The following ZNF831 variants were observed in gnomAD, a reference collection of about 807,000 sequenced individuals.
The protein encoded by ZNF831 is chromosome 20 open reading frame 174.
In ZNF831, 59 loss-of-function variants were observed where a neutral mutation model predicts 95.8. The observed-to-expected ratio is 0.62, with a 90% CI of 0.50 to 0.77. The LOEUF (loss-of-function observed/expected upper bound fraction) is 0.77. Among genes scored for constraint, ZNF831 ranks in the 30% least tolerant of loss-of-function variants. The probability of loss-of-function intolerance (pLI) is 0.00; values close to 1 mark genes in which losing one functional copy is unlikely to be tolerated. For synonymous variants in ZNF831, 961 were observed against 925.5 expected (o/e 1.04, Z -0.70); for missense variants, 2,205 against 2,164.0 (o/e 1.02, Z -0.38).
At chr20:59,249,430 G>A (rs892871304) in intron 4 of ZNF831, among the ~76,000 whole-genome samples, 14 of 152,088 alleles carry the variant, frequency 9.2e-5, no homozygotes, top group Non-Finnish European at 1.8e-4. Flanking sequence ...CACAATAGGC[G>A]TCTGCTTCCT....
intron 2 of ZNF831, among the ~76,000 whole-genome samples, chr20:59,148,669 A>G (rs1229443694): frequency 4.3e-5 from 4 of 92,810 alleles, no homozygotes; most frequent in African/African-American, 1.4e-4. Flanking sequence ...GACAGAGCGA[A>G]ACTCCGTCTC....
At chr20:59,148,060 A>G (rs1979974817) in intron 2 of ZNF831, among the ~76,000 whole-genome samples, 1 of 152,250 alleles carries the variant, frequency 6.6e-6, no homozygotes, top group South Asian at 2.1e-4. Context: ...GACGTCCCTT[A>G]TACTCTCTGA....
At chr20:59,222,414 C>T (rs1986143034) in intron 4 of ZNF831, among the ~76,000 whole-genome samples, 1 of 151,976 alleles carries the variant, frequency 6.6e-6, no homozygotes, top group African/African-American at 2.4e-5. Context: ...ACACAAAGCC[C>T]GGGCCCCCTC....
intron 4 of ZNF831, among the ~76,000 whole-genome samples, chr20:59,236,667 A>G (rs1272666770): frequency 6.6e-6 from 1 of 150,850 alleles, no homozygotes; most frequent in Admixed American, 6.6e-5. Context: ...GATTGCAGGC[A>G]TGAACCACCC....
At position 59,255,497 on chromosome 20, in the gene ZNF831, G is replaced by A. The variant is rs1192434403; in HGVS notation, c.*754G>A. 1 of 152,010 alleles carries A rather than the reference G, an allele frequency of 6.6e-6. No homozygotes were observed. Among genetic ancestry groups the A allele is most frequent in the Non-Finnish European group, 1.5e-5 (1 of 68,008 alleles). 9.4% of individuals were successfully genotyped at this position (152,010 alleles called of 1,614,324 possible). A position where few individuals can be genotyped will look rare whatever the true frequency, so the allele number is the denominator to read the frequency against. On this transcript the variant is annotated 3_prime_UTR_variant, in exon 6 of 6. Coordinates refer to ENST00000371030, the MANE Select transcript of ZNF831 (RefSeq NM_178457.3). ...TGCTGTGGAGATCTCTGAGACTGTC[G>A]GTTTTTCTAGTTCTTGCAAAGGAAC... is the stretch of plus-strand genomic sequence containing the variant.
At chr20:59,238,648 T>TTA (rs767857075) in intron 4 of ZNF831, among the ~76,000 whole-genome samples, 3 of 152,254 alleles carry the variant, frequency 2.0e-5, no homozygotes, top group Non-Finnish European at 2.9e-5. Flanking sequence ...TTGAGATTCG[T>TTA]GAGGGAGACA....
chr20:59,134,472 C>T (rs771736598), intron 1 of ZNF831, among the ~76,000 whole-genome samples: 5 of 152,164 alleles, frequency 3.3e-5, no homozygotes, highest in South Asian at 4.1e-4. Flanking sequence ...TTTCTTTATC[C>T]GCTTTTCTCT....
At chr20:59,218,694 G>A (rs1985875608) in intron 4 of ZNF831, among the ~76,000 whole-genome samples, 1 of 151,888 alleles carries the variant, frequency 6.6e-6, no homozygotes, top group Non-Finnish European at 1.5e-5. Context: ...GGGATGTTGA[G>A]CGGCCAGGTA....
chr20:59,135,521 A>G (rs1326673430), intron 1 of ZNF831, among the ~76,000 whole-genome samples: 3 of 152,206 alleles, frequency 2.0e-5, no homozygotes, highest in African/African-American at 7.2e-5. Context: ...CATGAGGTCA[A>G]GAGATCGAGA....
Position 59,217,162 on chromosome 20 carries a change from C to CTGTGTGTGTGTGTGTGTGTGTGTGTG in ZNF831, c.4027+10114_4027+10139dup, listed in dbSNP as rs201079519. On this transcript the variant is annotated intron_variant, in intron 4 of 5. Transcript: ENST00000371030. This position sits in a 1 kb window ranked among gnomAD's most constrained non-coding sequence, Gnocchi z 4.4. ...GAGTACATCTGACAGATCTTCATCT[C>CTGTGTGTGTGTGTGTGTGTGTGTGTG]TGTGTGTGTGTGTGTGTGTGTGTGT... Among the ~76,000 whole-genome samples, 1 of 148,618 alleles carries CTGTGTGTGTGTGTGTGTGTGTGTGTG rather than the reference C, an allele frequency of 6.7e-6. No homozygotes were observed. Among genetic ancestry groups the CTGTGTGTGTGTGTGTGTGTGTGTGTG allele is most frequent in the African/African-American group, 2.5e-5 (1 of 40,146 alleles).
At chr20:59,222,677 G>C (rs1023023769) in intron 4 of ZNF831, among the ~76,000 whole-genome samples, 1 of 152,136 alleles carries the variant, frequency 6.6e-6, no homozygotes. Flanking sequence ...CAAGCTCCGC[G>C]GGGGCCCCCT....
In ZNF831 at chr20:59,180,935, T is replaced by C. The variant is rs369063552; in HGVS notation, c.-36-10049T>C. Among the ~76,000 whole-genome samples, 29 of 152,348 alleles carry C rather than the reference T, an allele frequency of 1.9e-4. No homozygotes were observed. In the South Asian group the frequency reaches 6.0e-3, roughly 32 times the overall value. ...AAATGGTATTTCTGGTTCCAGATCCTTGAGGAATCGCCACATTGTCTTCCA... is the reference window on the plus strand; with the variant it reads ...AAATGGTATTTCTGGTTCCAGATCCCTGAGGAATCGCCACATTGTCTTCCA... On this transcript the variant is annotated intron_variant, in intron 1 of 5. Transcript: ENST00000371030.
intron 1 of ZNF831, among the ~76,000 whole-genome samples, chr20:59,137,601 G>A (rs530315245): frequency 1.4e-3 from 220 of 152,294 alleles, no homozygotes; most frequent in African/African-American, 5.1e-3. Flanking sequence ...ATTCTTGTGT[G>A]GAATGGAAGT....
At chr20:59,211,216 A>G (rs1985309605) in intron 4 of ZNF831, among the ~76,000 whole-genome samples, 1 of 152,198 alleles carries the variant, frequency 6.6e-6, no homozygotes, top group South Asian at 2.1e-4. Flanking sequence ...ACAGCCTGGA[A>G]TGGTGACAAA....
At chr20:59,185,310 G>A (rs968350944) in intron 1 of ZNF831, among the ~76,000 whole-genome samples, 9 of 152,152 alleles carry the variant, frequency 5.9e-5, no homozygotes, top group African/African-American at 2.2e-4. Flanking sequence ...CGTCAATTTC[G>A]CAGTGATCAC....
upstream of ZNF831, among the ~76,000 whole-genome samples, chr20:59,163,790 T>C (rs188096167): frequency 2.6e-5 from 4 of 152,018 alleles, no homozygotes; most frequent in East Asian, 7.8e-4. Context: ...AGGTAATGTA[T>C]AGGAAATAAT....
At chr20:59,139,439 C>T (rs987023185) in intron 1 of ZNF831, among the ~76,000 whole-genome samples, 1 of 152,136 alleles carries the variant, frequency 6.6e-6, no homozygotes, top group Non-Finnish European at 1.5e-5. Flanking sequence ...AAGTTTTTAA[C>T]ATGATTGCTT....
At position 59,140,638 on chromosome 20, in the gene ZNF831, A is replaced by G. The variant is rs113707058; in HGVS notation, c.-1424-5593A>G. Among the ~76,000 whole-genome samples the G allele has an allele frequency of 9.5e-3, 1,452 of 152,268 alleles. 20 individuals carry two copies. The highest frequency in any genetic ancestry group is 0.032 in the African/African-American group (1,348 of 41,540). On this transcript the variant is annotated intron_variant, in intron 1 of 7. Coordinates refer to the ZNF831 transcript ENST00000637017. ...TCTTATTTAACTATAGAAATTGCCA[A>G]ACTTTTCAGAGTGACTGTCCCATTT...
chr20:59,195,661 GC>G, intron 2 of ZNF831: 2 of 593,596 alleles, frequency 3.4e-6, no homozygotes, highest in Non-Finnish European at 4.2e-6. Context: ...TGCGGATCAA[GC>G]CCAGGCGGGG....
Sources: gnomAD v4.1 joint callset for allele counts (sites outside exome capture counted in the v4.1 genomes callset) on GRCh38, gnomAD v4.1.1 for gene constraint, Gnocchi (gnomAD v3.1) non-coding constraint, MANE v1.5 for transcripts, NCBI Gene and HGNC (gene_info 2026-07-23, HGNC 2026-07-21) for gene names.